ADGRL3: variants seen among roughly 807,000 people sequenced by gnomAD.
ADGRL3 encodes the protein adhesion G protein-coupled receptor L3.
A neutral mutation model predicts 153.5 loss-of-function variants in ADGRL3; 62 were observed. That is an observed-to-expected ratio of 0.40 (90% CI 0.33 to 0.50). The LOEUF (loss-of-function observed/expected upper bound fraction) is 0.50, where lower values mean the gene tolerates loss of function less well. ADGRL3 is among the 20% of genes least tolerant of loss of function. The pLI, the probability that ADGRL3 is intolerant of heterozygous loss-of-function variation, is 0.47. For missense variants in ADGRL3, 1,641 were observed against 1,859.4 expected, an observed-to-expected ratio of 0.88 and a Z score of 2.16; for synonymous variants, 710 against 672.5, an observed-to-expected ratio of 1.06 and a Z score of -0.86.
At chr4:61,949,036 AAGC>A (rs2098936807) in intron 17 of ADGRL3, among the ~76,000 whole-genome samples, 8 of 151,532 alleles carry the variant, frequency 5.3e-5, no homozygotes, top group Admixed American at 5.3e-4. Flanking sequence ...AAAAAACACT[AAGC>A]AGGTCAGTGC....
chr4:61,217,136 T>A (rs1205331949), intron 1 of ADGRL3, among the ~76,000 whole-genome samples: 1 of 152,214 alleles, frequency 6.6e-6, no homozygotes, highest in Non-Finnish European at 1.5e-5. Flanking sequence ...GCCTCTGGCT[T>A]TATGGCACAT....
intron 9 of ADGRL3, among the ~76,000 whole-genome samples, chr4:61,829,473 T>C (rs1343016191): frequency 6.6e-6 from 1 of 152,236 alleles, no homozygotes; most frequent in Non-Finnish European, 1.5e-5. Context: ...AATTCCATAC[T>C]CAATTATGTT....
chr4:61,241,545 C>A (rs1217110995), intron 1 of ADGRL3, among the ~76,000 whole-genome samples: 4 of 151,952 alleles, frequency 2.6e-5, no homozygotes, highest in Admixed American at 1.3e-4. Context: ...TAAATTAATT[C>A]TTATTTCATA....
At chr4:61,475,120 A>G (rs2098028991) in intron 2 of ADGRL3, among the ~76,000 whole-genome samples, 2 of 152,204 alleles carry the variant, frequency 1.3e-5, no homozygotes, top group South Asian at 2.1e-4. Flanking sequence ...TTCTGAACGG[A>G]GTTATCCCAA....
intron 13 of ADGRL3, among the ~76,000 whole-genome samples, chr4:61,924,985 A>G (rs1046228851): frequency 9.9e-5 from 15 of 152,158 alleles, no homozygotes; most frequent in Non-Finnish European, 1.5e-5. Context: ...ATATCTCAAG[A>G]TTCTAGAACA....
At chr4:61,702,243 A>G (rs1032924318) in intron 6 of ADGRL3, among the ~76,000 whole-genome samples, 1 of 152,148 alleles carries the variant, frequency 6.6e-6, no homozygotes, top group African/African-American at 2.4e-5. Flanking sequence ...AGTTGTCCTT[A>G]ATGATATTGC....
chr4:61,401,331 T>C (rs936814054), intron 2 of ADGRL3, among the ~76,000 whole-genome samples: 4 of 151,922 alleles, frequency 2.6e-5, no homozygotes, highest in Non-Finnish European at 4.4e-5. Context: ...AGACAAAATA[T>C]ATGTGGAGAA....
rs200157707 is a variant in ADGRL3 at position 61,421,789 on chromosome 4, AT to A, written c.-174+38602del. Among the ~76,000 whole-genome samples the A allele has an allele frequency of 2.0e-4, 31 of 152,322 alleles. No homozygotes were observed. The East Asian group carries it at 5.8e-3, about 28-fold the overall frequency. ...AATGACAGATAGTTCTATGGATACA[AT>A]TGATGCCCATGAGTCAAAACACCTT... is the stretch of plus-strand genomic sequence containing the variant. On this transcript the variant is annotated intron_variant, in intron 2 of 26. Coordinates refer to ENST00000683033, the MANE Select transcript of ADGRL3 (RefSeq NM_001387552.1).
intron 2 of ADGRL3, among the ~76,000 whole-genome samples, chr4:61,407,676 T>C (rs189781299): frequency 8.6e-4 from 131 of 152,246 alleles, no homozygotes; most frequent in African/African-American, 2.9e-3. Context: ...AAAAAGGCAA[T>C]AGAGATTCAA....
chr4:61,788,838 G>A (rs1379456539), intron 8 of ADGRL3, among the ~76,000 whole-genome samples: 2 of 152,112 alleles, frequency 1.3e-5, no homozygotes, highest in African/African-American at 4.8e-5. Flanking sequence ...AAACTAATTA[G>A]TGCTTTTTCC....
intron 2 of ADGRL3, among the ~76,000 whole-genome samples, chr4:61,438,529 A>T (rs1451782714): frequency 6.6e-6 from 1 of 151,718 alleles, no homozygotes; most frequent in Admixed American, 6.6e-5. Context: ...TGCTTTTTTA[A>T]AAACAATCTG....
At chr4:61,249,746 A>G (rs529619588) in intron 1 of ADGRL3, among the ~76,000 whole-genome samples, 18 of 152,296 alleles carry the variant, frequency 1.2e-4, no homozygotes, top group African/African-American at 3.6e-4. Context: ...GAGAGAATGG[A>G]TACTATGCAC....
chr4:61,628,541 A>G (rs1373514257), intron 5 of ADGRL3, among the ~76,000 whole-genome samples: 1 of 152,218 alleles, frequency 6.6e-6, no homozygotes, highest in Non-Finnish European at 1.5e-5. Context: ...CTTACTAATG[A>G]CAAGTTTAAT....
intron 8 of ADGRL3, among the ~76,000 whole-genome samples, chr4:61,790,410 G>T (rs1346746617): frequency 6.6e-6 from 1 of 152,012 alleles, no homozygotes; most frequent in East Asian, 1.9e-4. Flanking sequence ...TGAAACTGTG[G>T]ATGATACCAA....
At chr4:61,954,585 G>A (rs993500838) in intron 17 of ADGRL3, among the ~76,000 whole-genome samples, 9 of 151,708 alleles carry the variant, frequency 5.9e-5, no homozygotes, top group South Asian at 2.1e-4. Context: ...ATCTTGGCCC[G>A]CATTAGCATC....
At chr4:61,910,752 G>C (rs181804726) in intron 12 of ADGRL3, among the ~76,000 whole-genome samples, 14 of 151,672 alleles carry the variant, frequency 9.2e-5, no homozygotes, top group African/African-American at 3.1e-4. Flanking sequence ...AATGAAAAAT[G>C]ACTCTGCAAA....
intron 3 of ADGRL3, among the ~76,000 whole-genome samples, chr4:61,515,080 A>G (rs976299809): frequency 5.3e-5 from 8 of 152,108 alleles, no homozygotes; most frequent in African/African-American, 1.9e-4. Context: ...ATTATCCTAA[A>G]CAGATTGTCT....
At chr4:61,629,495 G>C (rs1255061005) in intron 5 of ADGRL3, among the ~76,000 whole-genome samples, 1 of 151,366 alleles carries the variant, frequency 6.6e-6, no homozygotes, top group East Asian at 2.0e-4. Context: ...GAGGTGGGCG[G>C]GTCACGAGGT....
At chr4:61,511,932 C>G (rs2098465607) in intron 3 of ADGRL3, among the ~76,000 whole-genome samples, 1 of 152,106 alleles carries the variant, frequency 6.6e-6, no homozygotes, top group Non-Finnish European at 1.5e-5. Flanking sequence ...AGAAATTATG[C>G]AGCTATCATA....
Sources: gnomAD v4.1 joint callset for allele counts (sites outside exome capture counted in the v4.1 genomes callset) on GRCh38, gnomAD v4.1.1 for gene constraint, MANE v1.5 for transcripts, NCBI Gene and HGNC (gene_info 2026-07-23, HGNC 2026-07-21) for gene names.